The following RASGRF2 variants were observed in gnomAD, a reference collection of about 807,000 sequenced individuals.
The protein encoded by RASGRF2 is Ras protein specific guanine nucleotide releasing factor 2, also known as ras-specific guanine nucleotide-releasing factor 2.
A neutral mutation model predicts 151.0 loss-of-function variants in RASGRF2; 76 were observed. The observed-to-expected ratio is 0.50, with a 90% CI of 0.42 to 0.61. The LOEUF (loss-of-function observed/expected upper bound fraction) is 0.61. RASGRF2 is among the 20% of genes least tolerant of loss of function. The pLI, the probability that RASGRF2 is intolerant of heterozygous loss-of-function variation, is 0.00. For synonymous variants in RASGRF2, 504 were observed against 566.5 expected, an observed-to-expected ratio of 0.89 and a Z score of 1.57; for missense variants, 1,148 against 1,564.6, an observed-to-expected ratio of 0.73 and a Z score of 4.49.
intron 14 of RASGRF2, 184 bp from the exon 15 acceptor site, chr5:81,113,354 A>ATAAG: frequency 1.4e-6 from 1 of 698,512 alleles, no homozygotes; most frequent in Non-Finnish European, 2.3e-6. Flanking sequence ...ACGATGCCTA[A>ATAAG]TAAGTGTCTG....
At chr5:81,150,762 G>A (rs552213515) in intron 17 of RASGRF2, among the ~76,000 whole-genome samples, 1 of 152,300 alleles carries the variant, frequency 6.6e-6, no homozygotes, top group South Asian at 2.1e-4. Flanking sequence ...TATACTAATG[G>A]TGTGGCATCC....
intron 13 of RASGRF2, among the ~76,000 whole-genome samples, chr5:81,109,939 T>G (rs1342151957): frequency 6.6e-6 from 1 of 152,198 alleles, no homozygotes; most frequent in Admixed American, 6.5e-5. Flanking sequence ...TACACTAGAT[T>G]TATTCCCAAG....
At chr5:81,127,395 T>G (rs933881711) in intron 17 of RASGRF2, among the ~76,000 whole-genome samples, 4 of 151,388 alleles carry the variant, frequency 2.6e-5, no homozygotes, top group African/African-American at 9.7e-5. Flanking sequence ...TGGTGTTGCA[T>G]GCCTGTAGTC....
At chr5:81,007,547 T>C (rs1384405234) in intron 1 of RASGRF2, among the ~76,000 whole-genome samples, 1 of 152,152 alleles carries the variant, frequency 6.6e-6, no homozygotes, top group Admixed American at 6.6e-5. Context: ...TTTTCCTTCA[T>C]GGTGAGGGTT....
intron 17 of RASGRF2, among the ~76,000 whole-genome samples, chr5:81,160,658 T>A (rs1018347384): frequency 1.3e-5 from 2 of 149,970 alleles, no homozygotes; most frequent in African/African-American, 4.9e-5. Context: ...CCAGCCTGGG[T>A]GACAGAGCAA....
At chr5:81,017,152 C>T (rs1749665279) in intron 1 of RASGRF2, among the ~76,000 whole-genome samples, 1 of 152,226 alleles carries the variant, frequency 6.6e-6, no homozygotes, top group Non-Finnish European at 1.5e-5. Context: ...AGTCCAGTGT[C>T]CTAGGCAGCC....
chr5:81,151,377 A>G (rs1055079967), intron 17 of RASGRF2, among the ~76,000 whole-genome samples: 7 of 143,706 alleles, frequency 4.9e-5, no homozygotes, highest in Admixed American at 3.0e-4. Context: ...CCACAGGAAA[A>G]CTGGTACCTT....
chr5:80,968,499 T>C (rs1009863476), intron 1 of RASGRF2, among the ~76,000 whole-genome samples: 8 of 152,190 alleles, frequency 5.3e-5, no homozygotes, highest in African/African-American at 1.9e-4. Flanking sequence ...AAGGACTATC[T>C]TGGAAAGAGT....
chr5:81,199,068 A>G (rs573963714), intron 18 of RASGRF2, among the ~76,000 whole-genome samples: 14 of 152,316 alleles, frequency 9.2e-5, no homozygotes, highest in African/African-American at 3.4e-4. Context: ...GCCAACAGTA[A>G]AATGATCAAA....
At chr5:81,038,264 G>A (rs1347601360) in intron 1 of RASGRF2, among the ~76,000 whole-genome samples, 1 of 152,182 alleles carries the variant, frequency 6.6e-6, no homozygotes, top group African/African-American at 2.4e-5. Context: ...TGCATCATCA[G>A]CTTTGCCAGG....
intron 1 of RASGRF2, among the ~76,000 whole-genome samples, chr5:81,041,862 T>C (rs1750688117): frequency 6.6e-6 from 1 of 152,144 alleles, no homozygotes; most frequent in Admixed American, 6.6e-5. Context: ...GGTCACACAC[T>C]CCCACCCCTG....
At chr5:81,031,616 C>A (rs932140054) in intron 1 of RASGRF2, among the ~76,000 whole-genome samples, 1 of 151,988 alleles carries the variant, frequency 6.6e-6, no homozygotes, top group African/African-American at 2.4e-5. Flanking sequence ...ACAAAGACAC[C>A]ACATACCCAA....
In RASGRF2 at chr5:81,206,900, C is replaced by G. The variant is rs1177941622; in HGVS notation, c.2962C>G (p.Gln988Glu). 8 of 1,605,896 alleles carry G rather than the reference C, an allele frequency of 5.0e-6. No individual in the cohort carries two copies. Among genetic ancestry groups the G allele is most frequent in the Non-Finnish European group, 6.8e-6 (8 of 1,172,518 alleles). Residue 988 changes from glutamine to glutamate, a missense_variant, in exon 20 of 27, where the codon CAA becomes GAA. Transcript: ENST00000265080. Reference protein sequence around the residue: ...DIHLKLEDIIQMTDCMKAECF... With the variant: ...DIHLKLEDIIEMTDCMKAECF... The stretch of plus-strand genomic sequence containing the variant: ...CCACCTAAAATTAGAGGATATAATT[C>G]AAATGGTAAGTCTGACCACATTTTT...
chr5:81,027,813 T>C (rs1310391801), intron 1 of RASGRF2, among the ~76,000 whole-genome samples: 3 of 152,174 alleles, frequency 2.0e-5, no homozygotes, highest in Non-Finnish European at 4.4e-5. Context: ...AGTTTGAAAC[T>C]ATGGGACAGA....
intron 12 of RASGRF2, among the ~76,000 whole-genome samples, chr5:81,102,080 T>C (rs553343884): frequency 3.3e-5 from 5 of 152,174 alleles, no homozygotes; most frequent in Admixed American, 1.3e-4. Flanking sequence ...TAGGTATATT[T>C]ATAGATAGGA....
chr5:81,095,425 G>A (rs1044355261), intron 12 of RASGRF2, among the ~76,000 whole-genome samples: 2 of 152,282 alleles, frequency 1.3e-5, no homozygotes, highest in East Asian at 1.9e-4. Context: ...AAGAGACACC[G>A]TCTCTAGTAT....
intron 1 of RASGRF2, among the ~76,000 whole-genome samples, chr5:80,986,108 A>C (rs1748465691): frequency 6.6e-6 from 1 of 152,240 alleles, no homozygotes; most frequent in Non-Finnish European, 1.5e-5. Context: ...TACCTTTCAC[A>C]TTCACAATAT....
In RASGRF2 at chr5:80,995,881, T is replaced by C. The variant is rs565399835; in HGVS notation, c.288+34855T>C. 5.9e-5 allele frequency among the ~76,000 whole-genome samples: 9 copies of C among 151,958 alleles called. No individual in the cohort carries two copies. The South Asian group carries it at 1.5e-3, about 25-fold the overall frequency. On this transcript the variant is annotated intron_variant, in intron 1 of 26. Transcript: ENST00000265080. ...CTAATTTTTGTATTTTTACTAGAGA[T>C]GGTGTTTCATCGTGTTGGCCAGGCT...
intron 1 of RASGRF2, among the ~76,000 whole-genome samples, chr5:81,033,472 G>A (rs1375080977): frequency 5.0e-5 from 7 of 140,016 alleles, no homozygotes; most frequent in South Asian, 2.5e-4. Flanking sequence ...GGAACAGAAC[G>A]GAGCTCTCAG....
Sources: allele counts gnomAD v4.1 joint callset (sites outside exome capture counted in the v4.1 genomes callset), GRCh38; gene constraint gnomAD v4.1.1; transcripts MANE v1.5; gene names NCBI Gene and HGNC (gene_info 2026-07-23, HGNC 2026-07-21).